SH3KBP1: variants seen among roughly 807,000 people sequenced by gnomAD.
SH3KBP1 encodes the protein SH3 domain-containing kinase-binding protein 1.
A neutral mutation model predicts 50.1 loss-of-function variants in SH3KBP1; 8 were observed. The observed-to-expected ratio is 0.16, with a 90% confidence interval of 0.09 to 0.29. SH3KBP1 has a LOEUF of 0.29. Ranked by LOEUF, SH3KBP1 falls within the 10% of genes least tolerant of loss-of-function variation. SH3KBP1 has a pLI of 1.00. For synonymous variants in SH3KBP1, 227 were observed against 218.6 expected, an observed-to-expected ratio of 1.04 and a Z score of -0.34; for missense variants, 377 against 535.2, an observed-to-expected ratio of 0.70 and a Z score of 2.92.
intron 2 of SH3KBP1, among the ~76,000 whole-genome samples, chrX:19,755,592 T>C (rs2065187753): frequency 9.0e-6 from 1 of 110,837 alleles, no homozygotes; most frequent in Non-Finnish European, 1.9e-5. Context: ...GACTCAAACA[T>C]GCAACAAGAT....
intron 6 of SH3KBP1, among the ~76,000 whole-genome samples, chrX:19,659,849 A>C: frequency 8.9e-6 from 1 of 112,656 alleles, no homozygotes; most frequent in East Asian, 2.8e-4. Context: ...CCTCTGTCTT[A>C]TATTTACGGC....
intron 2 of SH3KBP1, among the ~76,000 whole-genome samples, chrX:19,828,425 C>A (rs1019863981): frequency 2.0e-4 from 22 of 112,014 alleles, no homozygotes; most frequent in African/African-American, 7.2e-4. Context: ...GTAATCCCAA[C>A]ACTTGGGCAG....
chrX:19,644,803 A>G (rs5955829), intron 7 of SH3KBP1, among the ~76,000 whole-genome samples: 10,665 of 111,758 alleles, frequency 0.095, 1,170 homozygotes, highest in African/African-American at 0.32. Context: ...GCTACTAGAA[A>G]ATTTAGAATT....
chrX:19,692,655 GTGTGTGTGTGTGTGTA>G (rs1479320139), intron 5 of SH3KBP1, among the ~76,000 whole-genome samples: 15 of 90,487 alleles, frequency 1.7e-4, no homozygotes, highest in African/African-American at 3.4e-4. Context: ...GTGTGTGTGT[GTGTGTGTGTGTGTGTA>G]TGTATATATA....
chrX:19,740,209 C>T (rs1175421193), intron 3 of SH3KBP1, among the ~76,000 whole-genome samples: 1 of 111,333 alleles, frequency 9.0e-6, no homozygotes, highest in Non-Finnish European at 1.9e-5. Context: ...GTGCTAACAA[C>T]GCAGTGTCCC....
chrX:19,720,305 T>C (rs1233525373), intron 3 of SH3KBP1, among the ~76,000 whole-genome samples: 2 of 110,800 alleles, frequency 1.8e-5, no homozygotes, highest in African/African-American at 3.3e-5. Flanking sequence ...CCAGGGACAC[T>C]TCCCTAATGT....
chrX:19,698,192 C>T (rs1238806210), intron 4 of SH3KBP1, among the ~76,000 whole-genome samples: 2 of 111,667 alleles, frequency 1.8e-5, no homozygotes, highest in Non-Finnish European at 3.8e-5. Flanking sequence ...CTTCTCTCTC[C>T]CAGGAGTCAC....
rs1258625139 is a variant in SH3KBP1 at position 19,545,953 on chromosome X, T to G, written c.1592A>C (p.Lys531Thr). Residue 531 changes from lysine (K) to threonine (T), a missense_variant, in exon 15 of 18, where the codon AAG becomes ACG. This residue lies in a region of SH3KBP1 where 110 missense variants were observed against 124.1 expected (regional missense o/e 0.89). Coordinates refer to ENST00000397821, the MANE Select transcript of SH3KBP1 (RefSeq NM_031892.3). ...TATGGTAACAGTCTTGGAAGTTTTC[T>G]TTGACGCGTCCACTCCTCTGTGCGC... ...SLAHRGVDAS[K>T]KTSKTVTISQ... 2 of 1,211,523 alleles carry G rather than the reference T, an allele frequency of 1.7e-6. No individual in the cohort carries two copies. Among genetic ancestry groups the G allele is most frequent in the Non-Finnish European group, 2.2e-6 (2 of 895,277 alleles).
At chrX:19,686,696 A>C (rs978938031) in intron 5 of SH3KBP1, among the ~76,000 whole-genome samples, 1 of 111,007 alleles carries the variant, frequency 9.0e-6, no homozygotes, top group Non-Finnish European at 1.9e-5. Flanking sequence ...GTGGAGTGGC[A>C]AGGAAAAAAA....
chrX:19,683,227 T>C (rs1455048239), intron 6 of SH3KBP1: 4 of 323,384 alleles, frequency 1.2e-5, no homozygotes, highest in Non-Finnish European at 1.8e-5. Context: ...ACATGCTGCC[T>C]GCCTCTCACT....
chrX:19,743,764 C>T (rs1207661692), intron 3 of SH3KBP1, among the ~76,000 whole-genome samples: 1 of 112,497 alleles, frequency 8.9e-6, no homozygotes, highest in African/African-American at 3.2e-5. Context: ...ACTTCTTCAG[C>T]TAGGACTATC....
At chrX:19,541,829 C>G in intron 16 of SH3KBP1, 96 bp downstream of exon 16, 2 of 1,055,502 alleles carry the variant, frequency 1.9e-6, no homozygotes, top group Non-Finnish European at 1.3e-6. Context: ...CAGGCCCGCC[C>G]TCCAAGGCAG....
At chrX:19,874,068 A>AAAAAAAAAAATATAT (rs1491537486) in intron 1 of SH3KBP1, among the ~76,000 whole-genome samples, 5 of 57,033 alleles carry the variant, frequency 8.8e-5, no homozygotes, top group Middle Eastern at 9.3e-3. Context: ...AAAAAAAAAA[A>AAAAAAAAAAATATAT]ATATATATAT....
chrX:19,808,879 C>T (rs1301777408), intron 2 of SH3KBP1, among the ~76,000 whole-genome samples: 2 of 111,834 alleles, frequency 1.8e-5, no homozygotes, highest in African/African-American at 6.5e-5. Context: ...CTTTGCAGCT[C>T]TCTACATCTC....
At chrX:19,650,818 C>T (rs1389808263) in intron 6 of SH3KBP1, among the ~76,000 whole-genome samples, 3 of 111,414 alleles carry the variant, frequency 2.7e-5, no homozygotes, top group African/African-American at 9.8e-5. Context: ...ACTGAAACTG[C>T]AGTTGTGGGG....
intron 6 of SH3KBP1, among the ~76,000 whole-genome samples, chrX:19,668,975 T>TA (rs1569405153): frequency 1.5e-3 from 97 of 66,592 alleles, no homozygotes; most frequent in Non-Finnish European, 1.9e-3. Context: ...TATATATATA[T>TA]TTTTTGAGAC....
At chrX:19,822,998 G>C (rs141850069) in intron 2 of SH3KBP1, among the ~76,000 whole-genome samples, 199 of 112,117 alleles carry the variant, frequency 1.8e-3, no homozygotes, top group African/African-American at 5.9e-3. Context: ...TTCACATGCA[G>C]GTGGGTTAGG....
chrX:19,792,917 C>T (rs888157677), intron 2 of SH3KBP1, among the ~76,000 whole-genome samples: 4 of 110,373 alleles, frequency 3.6e-5, no homozygotes, highest in Non-Finnish European at 7.6e-5. Flanking sequence ...AAAATATCAA[C>T]AGTGCCAAGG....
intron 12 of SH3KBP1, among the ~76,000 whole-genome samples, chrX:19,584,231 T>C (rs1225910640): frequency 5.4e-5 from 5 of 91,967 alleles, no homozygotes; most frequent in Admixed American, 1.4e-4. Flanking sequence ...TTTATAAATA[T>C]ATATAAATAT....
Sources: gnomAD v4.1 joint callset for allele counts (sites outside exome capture counted in the v4.1 genomes callset) on GRCh38, gnomAD v4.1.1 for gene constraint, gnomAD v4.1.1 regional missense constraint, MANE v1.5 for transcripts, NCBI Gene and HGNC (gene_info 2026-07-23, HGNC 2026-07-21) for gene names.